Variants in ANKS1B observed in about 807,000 individuals in gnomAD.
ANKS1B encodes ankyrin repeat and sterile alpha motif domain containing 1B.
In ANKS1B, 36 loss-of-function variants were observed where a neutral mutation model predicts 148.3. The observed-to-expected ratio is 0.24, with a 90% CI of 0.19 to 0.32. ANKS1B has a LOEUF of 0.32. Among genes scored for constraint, ANKS1B ranks in the 10% least tolerant of loss-of-function variants. ANKS1B has a pLI of 1.00. For synonymous variants in ANKS1B, 542 were observed against 560.8 expected, an observed-to-expected ratio of 0.97 and a Z score of 0.47; for missense variants, 1,157 against 1,542.6, an observed-to-expected ratio of 0.75 and a Z score of 4.19.
At chr12:98,943,327 A>G (rs550154562) in intron 17 of ANKS1B, among the ~76,000 whole-genome samples, 45 of 152,350 alleles carry the variant, frequency 3.0e-4, no homozygotes, top group African/African-American at 1.1e-3. Flanking sequence ...ATGATGCTTT[A>G]AAATGATAAC....
At chr12:99,644,566 C>T (rs1330527347) in intron 9 of ANKS1B, among the ~76,000 whole-genome samples, 1 of 152,154 alleles carries the variant, frequency 6.6e-6, no homozygotes. Context: ...ACATCATGCT[C>T]CTCAAAATTC....
At chr12:99,800,573 A>G (rs2066828040) in intron 4 of ANKS1B, among the ~76,000 whole-genome samples, 1 of 152,110 alleles carries the variant, frequency 6.6e-6, no homozygotes, top group South Asian at 2.1e-4. Flanking sequence ...CACAGAACCA[A>G]TAGGATTTGC....
At chr12:99,356,942 T>G (rs1566950209) in intron 12 of ANKS1B, among the ~76,000 whole-genome samples, 1 of 151,880 alleles carries the variant, frequency 6.6e-6, no homozygotes, top group Non-Finnish European at 1.5e-5. Flanking sequence ...TAGACTTTTT[T>G]TTTTTTGGCT....
At chr12:99,354,337 C>T (rs2091765852) in intron 12 of ANKS1B, among the ~76,000 whole-genome samples, 1 of 151,926 alleles carries the variant, frequency 6.6e-6, no homozygotes, top group African/African-American at 2.4e-5. Flanking sequence ...GAAAATGTTC[C>T]TTGTATGGTT....
At chr12:99,827,048 G>T (rs2083289379) in intron 1 of ANKS1B, among the ~76,000 whole-genome samples, 1 of 152,070 alleles carries the variant, frequency 6.6e-6, no homozygotes, top group Admixed American at 6.6e-5. Flanking sequence ...CAGCCTGGGA[G>T]GTCGAGGCTG....
intron 4 of ANKS1B, among the ~76,000 whole-genome samples, chr12:99,800,066 A>T (rs1425132504): frequency 2.6e-5 from 4 of 152,112 alleles, no homozygotes; most frequent in African/African-American, 4.8e-5. Context: ...TGTGTGCCCC[A>T]AAACTCACAT....
chr12:98,902,280 G>C (rs1300382425), intron 17 of ANKS1B, among the ~76,000 whole-genome samples: 1 of 152,168 alleles, frequency 6.6e-6, no homozygotes, highest in African/African-American at 2.4e-5. Flanking sequence ...ACTGGCCCCT[G>C]AGAGTCAGTT....
chr12:99,889,790 T>C (rs894675876), intron 1 of ANKS1B, among the ~76,000 whole-genome samples: 1 of 152,198 alleles, frequency 6.6e-6, no homozygotes, highest in East Asian at 1.9e-4. Context: ...TTTTAAAATA[T>C]TTTAGTAGCT....
At chr12:99,543,899 A>G (rs1184203670) in intron 9 of ANKS1B, among the ~76,000 whole-genome samples, 1 of 152,168 alleles carries the variant, frequency 6.6e-6, no homozygotes, top group Non-Finnish European at 1.5e-5. Flanking sequence ...TTAAATTTTC[A>G]GTCTAGTAAC....
rs1307329385 is a variant in ANKS1B, at chr12:98,745,570, G to A, written c.*169C>T. ...GAAAGTCTTGCGTTTTCCATCACTG[G>A]TGCAGAAAGAACTTCCCCAGGAATG... On this transcript the variant is annotated 3_prime_UTR_variant, in exon 27 of 27. Transcript: ENST00000683438. 2.4e-5 allele frequency: 34 copies of A among 1,389,898 alleles called. No individual in the cohort carries two copies. Among genetic ancestry groups the A allele is most frequent in the Non-Finnish European group, 3.2e-5 (34 of 1,069,254 alleles). The allele number at this position is 1,389,898 out of a possible 1,614,324, so 86.1% of individuals were successfully genotyped here. A position where few individuals can be genotyped will look rare whatever the true frequency, so the allele number is the denominator to read the frequency against.
chr12:99,209,642 T>C (rs1226591996), intron 14 of ANKS1B, among the ~76,000 whole-genome samples: 1 of 152,130 alleles, frequency 6.6e-6, no homozygotes, highest in Non-Finnish European at 1.5e-5. Context: ...ACATTCAAAC[T>C]ATAAACAAGG....
chr12:99,754,025 A>G (rs1344303321), intron 8 of ANKS1B, among the ~76,000 whole-genome samples: 2 of 150,656 alleles, frequency 1.3e-5, no homozygotes, highest in African/African-American at 5.0e-5. Context: ...CTCCATCTCA[A>G]AAATAAAATA....
intron 2 of ANKS1B, among the ~76,000 whole-genome samples, chr12:99,814,859 C>A (rs1665756288): frequency 6.6e-6 from 1 of 151,600 alleles, no homozygotes; most frequent in Non-Finnish European, 1.5e-5. Context: ...TAAACAATTC[C>A]AGTGATTGCT....
At chr12:98,749,858 G>A (rs1203493159) in intron 26 of ANKS1B, among the ~76,000 whole-genome samples, 15 of 152,164 alleles carry the variant, frequency 9.9e-5, no homozygotes, top group African/African-American at 3.4e-4. Context: ...GATGGAGGAA[G>A]TGGGGAAGAG....
intron 17 of ANKS1B, among the ~76,000 whole-genome samples, chr12:98,885,675 C>T (rs2099738082): frequency 6.6e-6 from 1 of 152,158 alleles, no homozygotes; most frequent in South Asian, 2.1e-4. Context: ...ACCCCCCTTG[C>T]CCGCCCCGTC....
chr12:99,654,402 CTTTGCTTAT>C (rs1319799748), intron 9 of ANKS1B, among the ~76,000 whole-genome samples: 2 of 152,120 alleles, frequency 1.3e-5, no homozygotes, highest in Non-Finnish European at 2.9e-5. Context: ...ATATTAAGTT[CTTTGCTTAT>C]TGTGCAGAGA....
intron 12 of ANKS1B, among the ~76,000 whole-genome samples, chr12:99,298,997 G>A (rs1416930893): frequency 1.3e-5 from 2 of 151,008 alleles, no homozygotes; most frequent in Non-Finnish European, 2.9e-5. Flanking sequence ...TGACCTGTCA[G>A]TTATTATATT....
intron 17 of ANKS1B, among the ~76,000 whole-genome samples, chr12:98,978,837 C>A (rs1463826455): frequency 1.3e-5 from 2 of 152,010 alleles, no homozygotes; most frequent in Non-Finnish European, 1.5e-5. Context: ...ATAGCTAAGT[C>A]TTTTAAATAA....
intron 23 of ANKS1B, 110 bp from the exon 24 acceptor site, chr12:98,781,313 A>AAC (rs59308427): frequency 0.037 from 22,217 of 607,306 alleles, 171 homozygotes; most frequent in African/African-American, 0.069. Flanking sequence ...AAACAACAAC[A>AAC]ACACACACAC....
Sources: allele counts gnomAD v4.1 joint callset (sites outside exome capture counted in the v4.1 genomes callset), GRCh38; gene constraint gnomAD v4.1.1; transcripts MANE v1.5; gene names NCBI Gene and HGNC (gene_info 2026-07-23, HGNC 2026-07-21).